Variants in ATXN8OS observed in about 807,000 individuals in gnomAD.
The protein encoded by ATXN8OS is ATXN8 opposite strand (non-protein coding).
chr13:70,137,175 C>T (rs557775876), intron 3 of ATXN8OS, among the ~76,000 whole-genome samples: 1 of 152,282 alleles, frequency 6.6e-6, no homozygotes, highest in East Asian at 1.9e-4. Context: ...TTAATAGTCA[C>T]TGGTTTATTT....
intron 3 of ATXN8OS, among the ~76,000 whole-genome samples, chr13:70,145,011 T>C (rs979843255): frequency 1.3e-5 from 2 of 152,184 alleles, no homozygotes; most frequent in Non-Finnish European, 2.9e-5. Flanking sequence ...TTAATCCATC[T>C]TGAATTAATT....
At chr13:70,114,396 T>C (rs1224603180) in intron 1 of ATXN8OS, among the ~76,000 whole-genome samples, 2 of 152,160 alleles carry the variant, frequency 1.3e-5, no homozygotes, top group African/African-American at 2.4e-5. Context: ...CACAATAATA[T>C]ACTAAAGTCT....
At chr13:70,113,063 C>G (rs970741635) in intron 1 of ATXN8OS, among the ~76,000 whole-genome samples, 1 of 151,460 alleles carries the variant, frequency 6.6e-6, no homozygotes, top group South Asian at 2.1e-4. Flanking sequence ...GCTGGGACTA[C>G]AGGCACCACC....
chr13:70,128,705 TA>T (rs1888480804), intron 2 of ATXN8OS, among the ~76,000 whole-genome samples: 1 of 152,150 alleles, frequency 6.6e-6, no homozygotes, highest in African/African-American at 2.4e-5. Flanking sequence ...CTCTTGTGTT[TA>T]TTTTTTTTGT....
At chr13:70,129,753 C>A in intron 2 of ATXN8OS, 1 of 398,244 alleles carries the variant, frequency 2.5e-6, no homozygotes, top group Non-Finnish European at 4.4e-6. Flanking sequence ...ATGTTTTAAC[C>A]TGAACTCTCT....
At chr13:70,107,510 C>T (rs565048506), upstream of ATXN8OS, 5 of 1,611,614 alleles carry the variant, frequency 3.1e-6, no homozygotes, top group South Asian at 3.3e-5. Context: ...GTGCTCACAC[C>T]GCTTCTCTCT....
At chr13:70,137,845 A>T (rs1441362024) in intron 3 of ATXN8OS, among the ~76,000 whole-genome samples, 1 of 152,208 alleles carries the variant, frequency 6.6e-6, no homozygotes, top group East Asian at 1.9e-4. Context: ...TGAAAAAAAG[A>T]GGTTTAATTG....
chr13:70,129,571 A>G (rs1299490898), intron 2 of ATXN8OS, among the ~76,000 whole-genome samples: 1 of 152,164 alleles, frequency 6.6e-6, no homozygotes, highest in Non-Finnish European at 1.5e-5. Context: ...TTAGTTAATT[A>G]TACCTAACTT....
intron 4 of ATXN8OS, among the ~76,000 whole-genome samples, chr13:70,147,850 C>T (rs116496571): frequency 3.0e-3 from 456 of 152,212 alleles, no homozygotes; most frequent in African/African-American, 9.8e-3. Flanking sequence ...GGCTGGGATA[C>T]AGTTTGATTT....
At chr13:70,142,828 C>T (rs1459306782) in intron 3 of ATXN8OS, among the ~76,000 whole-genome samples, 1 of 152,142 alleles carries the variant, frequency 6.6e-6, no homozygotes, top group Non-Finnish European at 1.5e-5. Context: ...AATCCCAGCA[C>T]TTTGGGAGCC....
chr13:70,164,049 T>TTTA (rs750052822), intron 4 of ATXN8OS, among the ~76,000 whole-genome samples: 2,513 of 140,488 alleles, frequency 0.018, 57 homozygotes, highest in East Asian at 0.058. Context: ...GCTGGAAGTT[T>TTTA]TTATTCTTAT....
At chr13:70,107,890 G>A (rs1888115291) in exon 1 of ATXN8OS, 1 of 538,462 alleles carries the variant, frequency 1.9e-6, no homozygotes, top group East Asian at 3.0e-5. Context: ...GCAAAGCCGC[G>A]CGTTTCAGCC....
intron 3 of ATXN8OS, among the ~76,000 whole-genome samples, chr13:70,140,610 C>T (rs1888700749): frequency 6.6e-6 from 1 of 151,324 alleles, no homozygotes; most frequent in Non-Finnish European, 1.5e-5. Context: ...TGATAACACT[C>T]ATAGAATGTC....
rs188603699 is a variant in ATXN8OS, at chr13:70,140,846, A to C, written n.500-6509A>C. On this transcript the variant is annotated intron_variant and non_coding_transcript_variant, in intron 3 of 4. Transcript: ENST00000678624. ...CTGAGTGTTCCAGCTTATTCTATGA[A>C]CTGGTCTTTGTGGGCCAGGTTTCTA... is the stretch of plus-strand genomic sequence containing the variant. Among the ~76,000 whole-genome samples, 338 of 152,192 alleles carry C rather than the reference A, an allele frequency of 2.2e-3. 1 individual carries two copies. Among genetic ancestry groups the C allele is most frequent in the African/African-American group, 7.6e-3 (317 of 41,524 alleles).
exon 1 of ATXN8OS, chr13:70,108,006 C>G: frequency 2.3e-6 from 1 of 442,486 alleles, no homozygotes; most frequent in Non-Finnish European, 4.0e-6. Context: ...GCGAGAGCCC[C>G]GTGTTATGGC....
intron 4 of ATXN8OS, among the ~76,000 whole-genome samples, chr13:70,159,199 C>CTCTT (rs59390788): frequency 0.016 from 1,350 of 84,328 alleles, 16 homozygotes; most frequent in East Asian, 0.042. Flanking sequence ...CTCTCTCTCT[C>CTCTT]ACTTTTTATT....
intron 4 of ATXN8OS, among the ~76,000 whole-genome samples, chr13:70,159,553 T>C (rs1406846142): frequency 6.6e-6 from 1 of 152,172 alleles, no homozygotes; most frequent in Non-Finnish European, 1.5e-5. Flanking sequence ...GATTCCCACG[T>C]GCATACCATA....
intron 3 of ATXN8OS, among the ~76,000 whole-genome samples, chr13:70,135,952 G>A (rs1466869782): frequency 1.3e-5 from 2 of 152,168 alleles, no homozygotes; most frequent in African/African-American, 4.8e-5. Context: ...ATCTGAGCAA[G>A]AACAATTGAT....
chr13:70,152,332 C>G (rs993527432), intron 4 of ATXN8OS, among the ~76,000 whole-genome samples: 16 of 141,282 alleles, frequency 1.1e-4, no homozygotes, highest in African/African-American at 4.1e-4. Flanking sequence ...TCTATCCCAG[C>G]TGTACACTCT....
Sources: gnomAD v4.1 joint callset for allele counts (sites outside exome capture counted in the v4.1 genomes callset) on GRCh38, gnomAD v4.1.1 for gene constraint, MANE v1.5 for transcripts, NCBI Gene and HGNC (gene_info 2026-07-23, HGNC 2026-07-21) for gene names.